Variants in SAMD3 observed in about 807,000 individuals in gnomAD.
The protein encoded by SAMD3 is sterile alpha motif domain containing 3.
SAMD3 carries 63 observed loss-of-function variants against 58.5 expected under a neutral mutation model. The ratio of observed to expected loss-of-function variants is 1.08; its 90% confidence interval spans 0.88 to 1.33. The LOEUF is 1.33. Among genes scored for constraint, SAMD3 ranks in the 40% most tolerant of loss-of-function variants. The probability of loss-of-function intolerance (pLI) is 0.00; values close to 1 mark genes in which losing one functional copy is unlikely to be tolerated. For missense variants in SAMD3, 604 were observed against 608.4 expected, an observed-to-expected ratio of 0.99 and a Z score of 0.08; for synonymous variants, 220 against 210.3, an observed-to-expected ratio of 1.05 and a Z score of -0.40.
intron 5 of SAMD3, among the ~76,000 whole-genome samples, chr6:130,207,893 T>C (rs1795217985): frequency 6.6e-6 from 1 of 152,128 alleles, no homozygotes; most frequent in South Asian, 2.1e-4. Flanking sequence ...CCAAAGCCCA[T>C]TTGCAGGAGC....
intron 1 of SAMD3, among the ~76,000 whole-genome samples, chr6:130,219,391 T>C (rs952839796): frequency 6.6e-6 from 1 of 152,202 alleles, no homozygotes; most frequent in South Asian, 2.1e-4. Flanking sequence ...GTTACCTGCA[T>C]AAGTTCTTTA....
At chr6:130,209,631 G>T in intron 4 of SAMD3, 23 bp from the exon 5 acceptor site, 1 of 1,476,706 alleles carries the variant, frequency 6.8e-7, no homozygotes, top group Non-Finnish European at 9.5e-7. Flanking sequence ...AGGTGGGTCA[G>T]GCACTATTCA....
intron 2 of SAMD3, among the ~76,000 whole-genome samples, chr6:130,287,017 A>G (rs1249111896): frequency 6.6e-6 from 1 of 152,050 alleles, no homozygotes; most frequent in Non-Finnish European, 1.5e-5. Flanking sequence ...GCCTTGTTCT[A>G]TCTTTCAAAA....
chr6:130,144,640 T>G lies in SAMD3; in HGVS notation c.1443A>C (p.Pro481=). Residue 481 remains proline, a synonymous_variant, in exon 12 of 12, where the codon CCA becomes CCC. Coordinates refer to ENST00000439090, the MANE Select transcript of SAMD3 (RefSeq NM_001017373.4). ...AAFHVFRIEC[P]RRLSQTFNFL... ...AGTTGAAAGTTTGGGACAGTCTTCT[T>G]GGACACTCAATCCTAAATACATGAA... 1 of 1,614,148 alleles carries G rather than the reference T, an allele frequency of 6.2e-7. No individual in the cohort carries two copies. The highest frequency in any genetic ancestry group is 8.5e-7 in the Non-Finnish European group (1 of 1,180,002).
chr6:130,216,992 G>A (rs1428087626), intron 1 of SAMD3, among the ~76,000 whole-genome samples: 2 of 152,146 alleles, frequency 1.3e-5, no homozygotes, highest in African/African-American at 4.8e-5. Flanking sequence ...TGTAGTCATC[G>A]ATGGATAAAA....
chr6:130,228,122 T>G (rs980460053), intron 2 of SAMD3, among the ~76,000 whole-genome samples: 2 of 152,226 alleles, frequency 1.3e-5, no homozygotes, highest in African/African-American at 4.8e-5. Context: ...TCCATCCTTG[T>G]ATTCCCTGTG....
intron 2 of SAMD3, among the ~76,000 whole-genome samples, chr6:130,267,596 C>T (rs1247411058): frequency 2.6e-5 from 4 of 152,158 alleles, no homozygotes; most frequent in African/African-American, 9.6e-5. Flanking sequence ...GGTAGCCCGG[C>T]ACCTAGGAAC....
intron 5 of SAMD3, among the ~76,000 whole-genome samples, chr6:130,207,579 A>G (rs1185989530): frequency 6.6e-6 from 1 of 152,168 alleles, no homozygotes; most frequent in African/African-American, 2.4e-5. Flanking sequence ...CTCATGGCTT[A>G]CTACATGCAC....
At chr6:130,280,180 TC>T (rs1774932261) in intron 2 of SAMD3, among the ~76,000 whole-genome samples, 1 of 152,222 alleles carries the variant, frequency 6.6e-6, no homozygotes, top group African/African-American at 2.4e-5. Flanking sequence ...CTCATCATAA[TC>T]TTTGTTTTCC....
At chr6:130,315,335 A>G (rs1358812110) in intron 1 of SAMD3, among the ~76,000 whole-genome samples, 1 of 152,218 alleles carries the variant, frequency 6.6e-6, no homozygotes, top group Non-Finnish European at 1.5e-5. Flanking sequence ...GAAGAGTTAT[A>G]TATGGGAATA....
At chr6:130,350,240 A>G (rs902766059) in intron 1 of SAMD3, among the ~76,000 whole-genome samples, 5 of 152,262 alleles carry the variant, frequency 3.3e-5, no homozygotes, top group East Asian at 3.9e-4. Context: ...GGCAGGAGAA[A>G]GAAATAAAGG....
intron 2 of SAMD3, among the ~76,000 whole-genome samples, chr6:130,252,783 A>T (rs111716846): frequency 1.5e-4 from 23 of 152,302 alleles, no homozygotes; most frequent in African/African-American, 5.3e-4. Flanking sequence ...CAGCTGTGGC[A>T]CAGGAGCAAG....
intron 8 of SAMD3, among the ~76,000 whole-genome samples, chr6:130,168,946 A>G (rs1421340436): frequency 1.3e-5 from 2 of 152,092 alleles, no homozygotes; most frequent in East Asian, 3.9e-4. Flanking sequence ...TAGGACTTAC[A>G]GGCACATGCC....
In SAMD3 at chr6:130,286,634, C is replaced by T. The variant is rs190070189; in HGVS notation, c.-188+26344G>A. On this transcript the variant is annotated intron_variant, in intron 2 of 13. Coordinates refer to the SAMD3 transcript ENST00000368134. ...GATATCCATATATTTTTTCTATTCT[C>T]CCGATGCTTCTGTATTTTCTTTAAA... 5.3e-4 allele frequency among the ~76,000 whole-genome samples: 80 copies of T among 152,186 alleles called. 1 individual carries two copies. The East Asian group carries it at 0.014, about 26-fold the overall frequency.
intron 2 of SAMD3, among the ~76,000 whole-genome samples, chr6:130,308,071 A>G (rs1775968395): frequency 6.6e-6 from 1 of 152,154 alleles, no homozygotes; most frequent in South Asian, 2.1e-4. Flanking sequence ...TAATCCTGGA[A>G]GGTTTCTCTC....
rs555564731 is a variant in SAMD3, at chr6:130,193,210, C to A, written c.384-8587G>T. Among the ~76,000 whole-genome samples, 3 of 150,526 alleles carry A rather than the reference C, an allele frequency of 2.0e-5. No homozygotes were observed. The South Asian group carries it at 6.3e-4, about 32-fold the overall frequency. On this transcript the variant is annotated intron_variant, in intron 5 of 11. Coordinates refer to ENST00000439090, the MANE Select transcript of SAMD3 (RefSeq NM_001017373.4). ...GGAGGGGCAAGTACCCCAACCCCTT[C>A]TCTCCATGTCTCTACCCCTTCTCCG...
At chr6:130,309,458 T>C (rs1443033965) in intron 2 of SAMD3, among the ~76,000 whole-genome samples, 1 of 152,200 alleles carries the variant, frequency 6.6e-6, no homozygotes, top group African/African-American at 2.4e-5. Flanking sequence ...GTAGCTACTG[T>C]TCTTGAATCC....
upstream of SAMD3, among the ~76,000 whole-genome samples, chr6:130,226,816 G>A (rs1262452737): frequency 1.3e-5 from 2 of 151,224 alleles, no homozygotes; most frequent in South Asian, 2.1e-4. Context: ...CGATAAGAGC[G>A]AAACTCTGTC....
In SAMD3 at chr6:130,175,945, C is replaced by T. The variant is rs141904490; in HGVS notation, c.718G>A (p.Glu240Lys). 2 of 1,613,380 alleles carry T rather than the reference C, an allele frequency of 1.2e-6. No homozygotes were observed. The highest frequency in any genetic ancestry group is 1.1e-5 in the South Asian group (1 of 91,058). The change falls in exon 8 of 12, where the codon GAG becomes AAG. Residue 240 changes from glutamate to lysine, a missense_variant. Coordinates refer to ENST00000439090, the MANE Select transcript of SAMD3 (RefSeq NM_001017373.4). Reference sequence around the variant, plus strand: ...TTACACTTATTTCTAATCACTTGCTCATCATCTTCTATGGGTCTTCGAACA... The same window carrying T: ...TTACACTTATTTCTAATCACTTGCTTATCATCTTCTATGGGTCTTCGAACA... ...KYVRRPIEDD[E>K]QVIRNKCKFG...
Sources: gnomAD v4.1 joint callset for allele counts (sites outside exome capture counted in the v4.1 genomes callset) on GRCh38, gnomAD v4.1.1 for gene constraint, MANE v1.5 for transcripts, NCBI Gene and HGNC (gene_info 2026-07-23, HGNC 2026-07-21) for gene names.